Variants in HSD11B1 observed in about 807,000 individuals in gnomAD.
The protein encoded by HSD11B1 is hydroxysteroid 11-beta dehydrogenase 1.
In HSD11B1, 15 loss-of-function variants were observed where a neutral mutation model predicts 22.1. The ratio of observed to expected loss-of-function variants is 0.68; its 90% CI spans 0.45 to 1.04. The LOEUF is 1.04. HSD11B1 is among the 50% of genes least tolerant of loss of function. The pLI is 0.00. For missense variants in HSD11B1, 281 were observed against 357.6 expected (o/e 0.79, Z 1.73); for synonymous variants, 122 against 125.2 (o/e 0.97, Z 0.17).
chr1:209,702,850 C>T (rs2076833602), upstream of HSD11B1, among the ~76,000 whole-genome samples: 1 of 152,210 alleles, frequency 6.6e-6, no homozygotes, highest in Admixed American at 6.5e-5. Context: ...TACACAGTGT[C>T]CTTGTTTCTC....
In HSD11B1 at chr1:209,692,614, G is replaced by GC. The variant is rs1553286733; in HGVS notation, c.-49+6329_-49+6330insC. ...AATCGGGTATTAAAATGGCGGGGGG[G>GC]GGGGTGGGGGCTCGGTTCTTGCTAA... On this transcript the variant is annotated intron_variant, in intron 1 of 6. Transcript: ENST00000261465. 2.7e-4 allele frequency among the ~76,000 whole-genome samples: 31 copies of GC among 114,160 alleles called. No individual in the cohort carries two copies. In the South Asian group the frequency reaches 0.011, roughly 39 times the overall value. The allele number at this position is 114,160 out of a possible 152,430, so 74.9% of individuals were successfully genotyped here. A position where few individuals can be genotyped will look rare whatever the true frequency, so the allele number is the denominator to read the frequency against.
At position 209,706,726 on chromosome 1, in the gene HSD11B1, G is replaced by A; in HGVS notation, c.237G>A (p.Leu79=). Residue 79 remains leucine (L), a synonymous_variant, in exon 3 of 6, where the codon CTG becomes CTA. Transcript: ENST00000367027. This position sits in a 1 kb window ranked among gnomAD's most constrained non-coding sequence, Gnocchi z 4.0. ...CACTGCAGGTGGTATCCCACTGCCT[G>A]GAGCTTGGAGCAGCCTCAGCACACT... ...ETLQKVVSHC[L]ELGAASAHYI... is the part of the protein sequence containing the mutation. 1 of 1,613,644 alleles carries A rather than the reference G, an allele frequency of 6.2e-7. No individual in the cohort carries two copies. Among genetic ancestry groups the A allele is most frequent in the South Asian group, 1.1e-5 (1 of 91,066 alleles).
upstream of HSD11B1, among the ~76,000 whole-genome samples, chr1:209,703,371 A>G (rs2076836101): frequency 6.6e-6 from 1 of 152,270 alleles, no homozygotes; most frequent in South Asian, 2.1e-4. Context: ...AGTCTGTAAT[A>G]TATCCTGGTA....
intron 4 of HSD11B1, among the ~76,000 whole-genome samples, chr1:209,721,135 T>A (rs998149108): frequency 2.0e-5 from 3 of 152,196 alleles, no homozygotes; most frequent in African/African-American, 7.2e-5. Context: ...TTGGGGGGAA[T>A]GCGGCCCTGC....
chr1:209,687,889 T>C (rs868706343), intron 1 of HSD11B1, among the ~76,000 whole-genome samples: 2 of 152,248 alleles, frequency 1.3e-5, no homozygotes, highest in Non-Finnish European at 2.9e-5. Context: ...AGGAGAAAGA[T>C]TTGAGGCAGA....
chr1:209,712,236 G>T (rs1324697534), intron 4 of HSD11B1, among the ~76,000 whole-genome samples: 2 of 152,068 alleles, frequency 1.3e-5, no homozygotes, highest in Non-Finnish European at 2.9e-5. Flanking sequence ...ATTGGCACTT[G>T]AATTTCTTAA....
At chr1:209,711,787 T>C (rs2076897718) in intron 4 of HSD11B1, among the ~76,000 whole-genome samples, 2 of 152,172 alleles carry the variant, frequency 1.3e-5, no homozygotes, top group South Asian at 2.1e-4. Flanking sequence ...ACTGTGAGGA[T>C]TGAGACAGAA....
At chr1:209,689,942 G>A (rs1008342307) in intron 1 of HSD11B1, among the ~76,000 whole-genome samples, 6 of 152,110 alleles carry the variant, frequency 3.9e-5, no homozygotes, top group East Asian at 1.9e-4. Context: ...TATCAGTAAC[G>A]GCCACAGCAA....
intron 4 of HSD11B1, among the ~76,000 whole-genome samples, chr1:209,712,367 T>C (rs960596601): frequency 2.6e-5 from 4 of 152,192 alleles, no homozygotes; most frequent in Non-Finnish European, 4.4e-5. Flanking sequence ...GGAAATAAAT[T>C]AACAGAGTTC....
intron 4 of HSD11B1, among the ~76,000 whole-genome samples, chr1:209,725,502 T>C (rs941480508): frequency 6.6e-6 from 1 of 152,208 alleles, no homozygotes; most frequent in Non-Finnish European, 1.5e-5. Context: ...GGATTTGAAA[T>C]ACATGTTTTC....
In HSD11B1 at chr1:209,734,707, G is replaced by A; in HGVS notation, c.*186G>A. ...AAATGGAAATGTAATAATAATGAATGTCATGCACCGCTGCAGCCAGCAGTT... is the reference window on the plus strand; with the variant it reads ...AAATGGAAATGTAATAATAATGAATATCATGCACCGCTGCAGCCAGCAGTT... On this transcript the variant is annotated 3_prime_UTR_variant, in exon 6 of 6. Coordinates refer to ENST00000367027, the MANE Select transcript of HSD11B1 (RefSeq NM_005525.4). 1.7e-6 allele frequency: 1 copy of A among 586,970 alleles called. No homozygotes were observed. The highest frequency in any genetic ancestry group is 3.1e-6 in the Non-Finnish European group (1 of 325,266). 36.4% of individuals were successfully genotyped at this position (586,970 alleles called of 1,614,324 possible). A position where few individuals can be genotyped will look rare whatever the true frequency, so the allele number is the denominator to read the frequency against.
chr1:209,723,062 G>C (rs2076976911), intron 4 of HSD11B1, among the ~76,000 whole-genome samples: 1 of 152,126 alleles, frequency 6.6e-6, no homozygotes. Flanking sequence ...CTGGGACAGA[G>C]CTAATTACAA....
In HSD11B1 at chr1:209,720,246, T is replaced by C. The variant is rs547124860; in HGVS notation, c.518-12190T>C. The stretch of plus-strand genomic sequence containing the variant: ...CATGGTTTATTAACATCACCAGTAA[T>C]GGAATAAATTGAAAACATGTATCAT... On this transcript the variant is annotated intron_variant, in intron 4 of 5. Coordinates refer to ENST00000367027, the MANE Select transcript of HSD11B1 (RefSeq NM_005525.4). Among the ~76,000 whole-genome samples the C allele has an allele frequency of 7.9e-5, 12 of 152,200 alleles. 1 individual carries two copies. In the South Asian group the frequency reaches 2.3e-3, roughly 29 times the overall value.
Position 209,707,101 on chromosome 1 carries a change from A to G in HSD11B1, c.490A>G (p.Ser164Gly). ...GCCCATGCTGAAGCAGAGCAATGGA[A>G]GCATTGTTGTCGTCTCCTCTCTGGC... ...ALPMLKQSNGSIVVVSSLAGK... is the reference protein window; with the variant it reads ...ALPMLKQSNGGIVVVSSLAGK... The change falls in exon 4 of 6, where the codon AGC becomes GGC. Residue 164 changes from serine to glycine, a missense_variant. Ser to Gly is a moderately conservative substitution (Grantham distance 56). Coordinates refer to ENST00000367027, the MANE Select transcript of HSD11B1 (RefSeq NM_005525.4). 1 of 1,614,108 alleles carries G rather than the reference A, an allele frequency of 6.2e-7. No homozygotes were observed. The highest frequency in any genetic ancestry group is 8.5e-7 in the Non-Finnish European group (1 of 1,179,996).
intron 1 of HSD11B1, among the ~76,000 whole-genome samples, chr1:209,688,552 C>G (rs572605398): frequency 3.3e-5 from 5 of 152,054 alleles, no homozygotes; most frequent in African/African-American, 9.7e-5. Context: ...TTTAAATGGA[C>G]GAACAAATGG....
intron 4 of HSD11B1, among the ~76,000 whole-genome samples, chr1:209,720,325 G>A (rs2076957546): frequency 6.6e-6 from 1 of 152,066 alleles, no homozygotes; most frequent in Admixed American, 6.6e-5. Flanking sequence ...CTGCCAAAAT[G>A]CATAACCTGA....
intron 4 of HSD11B1, among the ~76,000 whole-genome samples, chr1:209,730,032 G>T (rs2077026251): frequency 6.6e-6 from 1 of 152,090 alleles, no homozygotes; most frequent in Admixed American, 6.5e-5. Context: ...TTACTGAACT[G>T]GACAAAATTG....
At chr1:209,708,797 G>A (rs1431396449) in intron 4 of HSD11B1, among the ~76,000 whole-genome samples, 3 of 152,222 alleles carry the variant, frequency 2.0e-5, no homozygotes, top group East Asian at 1.9e-4. Context: ...GCCCAAGGAC[G>A]TGATGAAATT....
At chr1:209,697,298 TC>T (rs1262978403) in intron 1 of HSD11B1, among the ~76,000 whole-genome samples, 1 of 152,136 alleles carries the variant, frequency 6.6e-6, no homozygotes, top group African/African-American at 2.4e-5. Flanking sequence ...AGCCCTCCCC[TC>T]TCCCCACACA....
Sources: allele counts gnomAD v4.1 joint callset (sites outside exome capture counted in the v4.1 genomes callset), GRCh38; gene constraint gnomAD v4.1.1; non-coding constraint Gnocchi (gnomAD v3.1); transcripts MANE v1.5; gene names NCBI Gene and HGNC (gene_info 2026-07-23, HGNC 2026-07-21).